Variants in ATP2B2 observed in about 807,000 individuals in gnomAD.
ATP2B2 encodes ATPase plasma membrane Ca2+ transporting 2.
Under a neutral mutation model 120.0 loss-of-function variants are expected in ATP2B2, and 15 were observed. The observed-to-expected ratio is 0.12, with a 90% CI of 0.08 to 0.19. The LOEUF (loss-of-function observed/expected upper bound fraction) is 0.19. Among genes scored for constraint, ATP2B2 ranks in the 10% least tolerant of loss-of-function variants. The probability of loss-of-function intolerance (pLI) is 1.00; values close to 1 mark genes in which losing one functional copy is unlikely to be tolerated. For synonymous variants in ATP2B2, 694 were observed against 700.3 expected, an observed-to-expected ratio of 0.99 and a Z score of 0.14; for missense variants, 1,045 against 1,719.8, an observed-to-expected ratio of 0.61 and a Z score of 6.94.
intron 1 of ATP2B2, among the ~76,000 whole-genome samples, chr3:10,633,644 G>C (rs1275301140): frequency 1.3e-5 from 2 of 152,192 alleles, no homozygotes; most frequent in African/African-American, 4.8e-5. Flanking sequence ...AGAACAGTAT[G>C]CAAGAAAAAC....
chr3:10,512,684 G>C (rs772643213), intron 3 of ATP2B2, among the ~76,000 whole-genome samples: 1 of 152,176 alleles, frequency 6.6e-6, no homozygotes, highest in African/African-American at 2.4e-5. Flanking sequence ...GAGGGGCTGC[G>C]GGCTCACTCC....
intron 2 of ATP2B2, among the ~76,000 whole-genome samples, chr3:10,614,885 T>C (rs865866562): frequency 1.3e-5 from 2 of 152,218 alleles, no homozygotes; most frequent in African/African-American, 2.4e-5. Context: ...GAAAAGCTGC[T>C]GAGAGAAGAG....
intron 14 of ATP2B2, among the ~76,000 whole-genome samples, chr3:10,355,395 G>A (rs2060686676): frequency 2.0e-5 from 3 of 152,172 alleles, no homozygotes; most frequent in South Asian, 2.1e-4. Flanking sequence ...TCCCAGGGGT[G>A]AGCCAACAGG....
intron 2 of ATP2B2, among the ~76,000 whole-genome samples, chr3:10,441,314 ACTG>A (rs773293698): frequency 2.0e-5 from 3 of 151,926 alleles, no homozygotes; most frequent in African/African-American, 4.8e-5. Flanking sequence ...ATCTCGGCTC[ACTG>A]CAACCTCTGC....
intron 1 of ATP2B2, among the ~76,000 whole-genome samples, chr3:10,504,515 C>A (rs561769530): frequency 6.6e-6 from 1 of 151,692 alleles, no homozygotes; most frequent in Admixed American, 6.6e-5. Flanking sequence ...ATGGAGGGCC[C>A]GAGACCCCCA....
intron 9 of ATP2B2, among the ~76,000 whole-genome samples, chr3:10,378,661 G>A (rs1039086883): frequency 5.3e-5 from 8 of 152,198 alleles, no homozygotes; most frequent in Non-Finnish European, 8.8e-5. Context: ...GACTGATGCT[G>A]TTACCCTGGA....
intron 14 of ATP2B2, among the ~76,000 whole-genome samples, chr3:10,354,382 T>A (rs2060656810): frequency 6.6e-6 from 1 of 152,194 alleles, no homozygotes; most frequent in Non-Finnish European, 1.5e-5. Context: ...TAAATAAGTT[T>A]GGGAAAAAAT....
intron 5 of ATP2B2, among the ~76,000 whole-genome samples, chr3:10,389,533 C>T (rs1334510581): frequency 6.6e-6 from 1 of 152,184 alleles, no homozygotes; most frequent in East Asian, 1.9e-4. Context: ...ATGATTCCAC[C>T]TGCATGAGGT....
At chr3:10,470,993 G>A (rs868063717) in intron 1 of ATP2B2, among the ~76,000 whole-genome samples, 93 of 152,338 alleles carry the variant, frequency 6.1e-4, no homozygotes, top group African/African-American at 1.6e-3. Flanking sequence ...GGTGGAGAAC[G>A]GGGGGCCTGG....
In ATP2B2 at chr3:10,469,652, G is replaced by A. The variant is rs2287443; in HGVS notation, c.-319-19790C>T. ...CAGCTGTATCAGATAGCAGTGCAAGGAGACTCCAGTTTCTCTCTCTGAGCC... is the reference window on the plus strand; with the variant it reads ...CAGCTGTATCAGATAGCAGTGCAAGAAGACTCCAGTTTCTCTCTCTGAGCC... On this transcript the variant is annotated intron_variant, in intron 1 of 22. Coordinates refer to ENST00000360273, the MANE Select transcript of ATP2B2 (RefSeq NM_001001331.4). 2.1e-3 allele frequency among the ~76,000 whole-genome samples: 319 copies of A among 152,278 alleles called. 5 individuals carry two copies. In the South Asian group the frequency reaches 0.041, roughly 20 times the overall value.
chr3:10,592,232 T>C (rs2068661422), intron 2 of ATP2B2, among the ~76,000 whole-genome samples: 2 of 152,222 alleles, frequency 1.3e-5, no homozygotes, highest in Admixed American at 6.5e-5. Context: ...CTTAATAGTA[T>C]TGAGTGAATA....
chr3:10,411,671 T>C lies in ATP2B2; in HGVS notation c.200-856A>G, dbSNP rs61026899. On this transcript the variant is annotated intron_variant, in intron 2 of 22. Transcript: ENST00000360273. ...GATTCATGTGGTCCATGAGCATTTA[T>C]TGAGCACCTACCAAGTGCCTGGCAC... Among the ~76,000 whole-genome samples, 375 of 152,356 alleles carry C rather than the reference T, an allele frequency of 2.5e-3. 2 individuals carry two copies. Among genetic ancestry groups the C allele is most frequent in the African/African-American group, 8.6e-3 (357 of 41,582 alleles).
intron 12 of ATP2B2, among the ~76,000 whole-genome samples, chr3:10,368,690 T>G (rs2061138760): frequency 6.6e-6 from 1 of 150,750 alleles, no homozygotes; most frequent in Non-Finnish European, 1.5e-5. Context: ...CTAACCGCCA[T>G]CCATCTGTCC....
intron 1 of ATP2B2, among the ~76,000 whole-genome samples, chr3:10,692,502 G>A (rs974041514): frequency 7.2e-4 from 109 of 152,278 alleles, no homozygotes; most frequent in Non-Finnish European, 1.3e-4. Flanking sequence ...CACGTTCTGG[G>A]GGGATCCCTG....
intron 1 of ATP2B2, among the ~76,000 whole-genome samples, chr3:10,659,736 C>T (rs1418642519): frequency 6.6e-6 from 1 of 152,192 alleles, no homozygotes; most frequent in Admixed American, 6.5e-5. Flanking sequence ...AGCTCTGCAC[C>T]AAGTGGACCT....
At chr3:10,626,092 C>T (rs1353521857) in intron 1 of ATP2B2, 1 of 152,072 alleles carries the variant, frequency 6.6e-6, no homozygotes, top group Non-Finnish European at 1.5e-5. Context: ...CTTTTTAGTA[C>T]AGGTGTTCTG....
At chr3:10,468,277 C>A (rs1310058115) in intron 1 of ATP2B2, among the ~76,000 whole-genome samples, 1 of 152,246 alleles carries the variant, frequency 6.6e-6, no homozygotes, top group Non-Finnish European at 1.5e-5. Context: ...GAGGCCAGGG[C>A]CCTTAGTGGG....
Position 10,585,543 on chromosome 3 carries a change from A to T in ATP2B2, c.-415+34374T>A, listed in dbSNP as rs2068491243. ...GATCCAGTGAGAGCTCCATTCGCTG[A>T]CCTGCAAGACCCGACTCTACCCATC... On this transcript the variant is annotated intron_variant, in intron 2 of 21. Transcript: ENST00000646379. Among the ~76,000 whole-genome samples, 4 of 142,262 alleles carry T rather than the reference A, an allele frequency of 2.8e-5. No homozygotes were observed. The South Asian group carries it at 9.3e-4, about 33-fold the overall frequency. The allele number at this position is 142,262 out of a possible 152,430, so 93.3% of individuals were successfully genotyped here. A position where few individuals can be genotyped will look rare whatever the true frequency, so the allele number is the denominator to read the frequency against.
At chr3:10,398,363 C>T (rs1037675725) in intron 5 of ATP2B2, among the ~76,000 whole-genome samples, 5 of 152,248 alleles carry the variant, frequency 3.3e-5, no homozygotes, top group Admixed American at 3.3e-4. Context: ...TTCCATCAAC[C>T]CAGGCTTCCA....
Sources: gnomAD v4.1 joint callset for allele counts (sites outside exome capture counted in the v4.1 genomes callset) on GRCh38, gnomAD v4.1.1 for gene constraint, MANE v1.5 for transcripts, NCBI Gene and HGNC (gene_info 2026-07-23, HGNC 2026-07-21) for gene names.